Variants in RPGRIP1 observed in about 807,000 individuals in gnomAD.
RPGRIP1 encodes RPGR interacting protein 1.
In RPGRIP1, 128 loss-of-function variants were observed where a neutral mutation model predicts 157.9. The observed-to-expected ratio is 0.81, with a 90% CI of 0.70 to 0.94. RPGRIP1 has a LOEUF of 0.94. RPGRIP1 is among the 40% of genes least tolerant of loss of function. The pLI is 0.00. For synonymous variants in RPGRIP1, 554 were observed against 571.6 expected, an observed-to-expected ratio of 0.97 and a Z score of 0.44; for missense variants, 1,486 against 1,545.8, an observed-to-expected ratio of 0.96 and a Z score of 0.65.
intron 16 of RPGRIP1, 57 bp from the exon 17 acceptor site, chr14:21,325,774 C>A: frequency 7.8e-7 from 1 of 1,289,330 alleles, no homozygotes; most frequent in Non-Finnish European, 1.1e-6. Context: ...TCCTAGGCTT[C>A]ACCTACAACA....
chr14:21,312,649 G>A, intron 10 of RPGRIP1, 143 bp downstream of exon 10: 1 of 558,320 alleles, frequency 1.8e-6, no homozygotes, highest in African/African-American at 2.0e-5. Context: ...CAGTCTTTTG[G>A]AAGGGAATTT....
chr14:21,307,580 T>C, intron 6 of RPGRIP1, 151 bp from the exon 7 acceptor site: 1 of 555,896 alleles, frequency 1.8e-6, no homozygotes. Context: ...TTTACTAGAC[T>C]GTACATACAC....
At chr14:21,336,642 C>T (rs1333713180) in intron 21 of RPGRIP1, among the ~76,000 whole-genome samples, 2 of 152,096 alleles carry the variant, frequency 1.3e-5, no homozygotes, top group African/African-American at 4.8e-5. Context: ...GTTTGTAAGA[C>T]AGACTGGAGC....
intron 21 of RPGRIP1, among the ~76,000 whole-genome samples, chr14:21,339,274 C>T (rs1884733281): frequency 2.0e-5 from 3 of 151,878 alleles, no homozygotes; most frequent in Middle Eastern, 6.8e-3. Flanking sequence ...GGTGAAACCC[C>T]GTCTCTACTA....
At chr14:21,327,024 G>A (rs994644241) in intron 17 of RPGRIP1, among the ~76,000 whole-genome samples, 18 of 152,064 alleles carry the variant, frequency 1.2e-4, no homozygotes, top group African/African-American at 4.3e-4. Context: ...CTTAGGAAGT[G>A]GGGATAGCTG....
At chr14:21,284,436 A>G (rs1880230848) in intron 1 of RPGRIP1, among the ~76,000 whole-genome samples, 3 of 152,164 alleles carry the variant, frequency 2.0e-5, no homozygotes, top group Admixed American at 6.6e-5. Flanking sequence ...TCTTTGGGAA[A>G]GGTGAGTTTC....
At position 21,334,635 on chromosome 14, in the gene RPGRIP1, T is replaced by C; in HGVS notation, c.3269T>C (p.Val1090Ala). ...DKESSEQGSE[V>A]SEAQTTDSDD... ...GAATCCTCTGAACAAGGTTCTGAAG[T>C]CAGTGAAGCACAAACTACCGACAGT... Residue 1090 changes from valine to alanine, a missense_variant, in exon 21 of 25, where the codon GTC (valine) becomes GCC (alanine). By Grantham distance (64) the Val-to-Ala change is moderately conservative. Coordinates refer to ENST00000400017, the MANE Select transcript of RPGRIP1 (RefSeq NM_020366.4). 2.5e-6 allele frequency: 4 copies of C among 1,609,070 alleles called. No individual in the cohort carries two copies. Among genetic ancestry groups the C allele is most frequent in the Non-Finnish European group, 3.4e-6 (4 of 1,178,182 alleles).
In RPGRIP1 at chr14:21,330,934, G is replaced by A. The variant is rs2139268023; in HGVS notation, c.3238+547G>A. Among the ~76,000 whole-genome samples, 3 of 151,870 alleles carry A rather than the reference G, an allele frequency of 2.0e-5. No homozygotes were observed. In the South Asian group the frequency reaches 6.2e-4, roughly 32 times the overall value. ...TTTGTTTTGTTTTGTTTTTGAGATG[G>A]AGTCTCATTCTGTCTCCCAGGCTGG... On this transcript the variant is annotated intron_variant, in intron 20 of 24. Transcript: ENST00000400017.
rs144644567 is a variant in RPGRIP1, at chr14:21,305,826, A to T, written c.801-1905A>T. Among the ~76,000 whole-genome samples, 151 of 152,190 alleles carry T rather than the reference A, an allele frequency of 9.9e-4. 2 individuals carry two copies. Among genetic ancestry groups the T allele is most frequent in the African/African-American group, 1.7e-3 (70 of 41,522 alleles). ...CACTGGGCCAAGATTATGCTACTGC[A>T]CTCCAGCCTGGGCAACAGAGCAAGA... On this transcript the variant is annotated intron_variant, in intron 6 of 24. Transcript: ENST00000400017.
chr14:21,289,753 A>T (rs553661539), intron 2 of RPGRIP1, among the ~76,000 whole-genome samples: 1 of 152,290 alleles, frequency 6.6e-6, no homozygotes, highest in African/African-American at 2.4e-5. Flanking sequence ...CTGTAATCCC[A>T]GCACCTTGGG....
Position 21,343,030 on chromosome 14 carries a change from TATC to T in RPGRIP1, c.3340-4_3340-2del. 6.2e-7 allele frequency: 1 copy of T among 1,609,106 alleles called. No homozygotes were observed. On this transcript the variant is annotated splice_region_variant and splice_polypyrimidine_tract_variant and intron_variant, in intron 21 of 24. Coordinates refer to ENST00000400017, the MANE Select transcript of RPGRIP1 (RefSeq NM_020366.4). ...TTAGGAACTAAATAAACATTTTCCT[TATC>T]AGGATTCAGAGAAGATGTGCATTGA...
intron 2 of RPGRIP1, among the ~76,000 whole-genome samples, chr14:21,290,604 G>A (rs1382166824): frequency 6.6e-6 from 1 of 152,052 alleles, no homozygotes; most frequent in Non-Finnish European, 1.5e-5. Flanking sequence ...GAGGTCAGGA[G>A]ATCGAGACCA....
At chr14:21,280,889 G>C (rs1377208120) in intron 1 of RPGRIP1, among the ~76,000 whole-genome samples, 1 of 152,066 alleles carries the variant, frequency 6.6e-6, no homozygotes, top group East Asian at 1.9e-4. Flanking sequence ...ACTATCTGCA[G>C]AATGAATAAA....
At chr14:21,341,327 C>T (rs527952578) in intron 21 of RPGRIP1, among the ~76,000 whole-genome samples, 193 of 152,194 alleles carry the variant, frequency 1.3e-3, no homozygotes, top group African/African-American at 2.2e-3. Context: ...CTCTGCACCC[C>T]GCCAAATATC....
At chr14:21,314,035 CCT>C (rs761309471) in intron 10 of RPGRIP1, among the ~76,000 whole-genome samples, 1 of 151,478 alleles carries the variant, frequency 6.6e-6, no homozygotes, top group Non-Finnish European at 1.5e-5. Context: ...GCAACCTCCA[CCT>C]CTCAGGCTCA....
intron 8 of RPGRIP1, 101 bp from the exon 9 acceptor site, chr14:21,311,723 C>G: frequency 1.1e-6 from 1 of 916,878 alleles, no homozygotes; most frequent in Non-Finnish European, 1.6e-6. Flanking sequence ...CAAAGTCATT[C>G]TTTGTGACAT....
At position 21,302,585 on chromosome 14, in the gene RPGRIP1, G is replaced by GT; in HGVS notation, c.587+2dup. ...AAGTAGCCAGTAAACCCAGTGAACT[G>GT]TGAGTTCTTCTCATTTATCCCATGT... On this transcript the variant is annotated splice_donor_variant, in intron 5 of 24. Coordinates refer to ENST00000400017, the MANE Select transcript of RPGRIP1 (RefSeq NM_020366.4). LOFTEE classifies it high-confidence loss of function. 1 of 1,536,298 alleles carries GT rather than the reference G, an allele frequency of 6.5e-7. No homozygotes were observed. The highest frequency in any genetic ancestry group is 8.9e-7 in the Non-Finnish European group (1 of 1,129,798).
chr14:21,322,130 T>C, intron 14 of RPGRIP1, 126 bp downstream of exon 14: 1 of 718,796 alleles, frequency 1.4e-6, no homozygotes, highest in Non-Finnish European at 2.1e-6. Context: ...TCCTTCTTGT[T>C]CTTTATCCTA....
At chr14:21,293,335 C>T (rs942768071) in intron 2 of RPGRIP1, among the ~76,000 whole-genome samples, 3 of 152,044 alleles carry the variant, frequency 2.0e-5, no homozygotes, top group Admixed American at 6.6e-5. Flanking sequence ...AAAAAACAAA[C>T]GAGATGGTTC....
Sources: gnomAD v4.1 joint callset for allele counts (sites outside exome capture counted in the v4.1 genomes callset) on GRCh38, gnomAD v4.1.1 for gene constraint, MANE v1.5 for transcripts, NCBI Gene and HGNC (gene_info 2026-07-23, HGNC 2026-07-21) for gene names.